Variants in CSMD1 observed in about 807,000 individuals in gnomAD.
CSMD1 encodes the protein CUB and Sushi multiple domains 1, also known as CUB and sushi domain-containing protein 1.
Under a neutral mutation model 417.5 loss-of-function variants are expected in CSMD1, and 213 were observed. The ratio of observed to expected loss-of-function variants is 0.51; its 90% confidence interval spans 0.46 to 0.57. The LOEUF (loss-of-function observed/expected upper bound fraction) is 0.57. CSMD1 is among the 20% of genes least tolerant of loss of function. The pLI is 0.00. For synonymous variants in CSMD1, 2,862 were observed against 1,736.8 expected (o/e 1.65, Z -16.11); for missense variants, 6,923 against 4,529.7 (o/e 1.53, Z -15.17).
At chr8:4,020,866 G>C (rs139618241) in intron 4 of CSMD1, among the ~76,000 whole-genome samples, 12 of 152,194 alleles carry the variant, frequency 7.9e-5, no homozygotes, top group African/African-American at 2.6e-4. Context: ...ATTTTAAAAG[G>C]GACCCTATTT....
chr8:3,594,133 C>T (rs945680205), intron 8 of CSMD1, among the ~76,000 whole-genome samples: 5 of 152,288 alleles, frequency 3.3e-5, no homozygotes, highest in Admixed American at 1.3e-4. Flanking sequence ...TCACTCTTCA[C>T]TCTTTTCCAT....
intron 52 of CSMD1, among the ~76,000 whole-genome samples, chr8:3,003,956 A>C (rs1807651647): frequency 6.6e-6 from 1 of 152,214 alleles, no homozygotes; most frequent in Non-Finnish European, 1.5e-5. Flanking sequence ...GACCATTTGC[A>C]TCCTGTCCAG....
chr8:3,956,096 A>G (rs1811925224), intron 5 of CSMD1, among the ~76,000 whole-genome samples: 1 of 152,226 alleles, frequency 6.6e-6, no homozygotes, highest in Non-Finnish European at 1.5e-5. Context: ...GTGCTCGGCC[A>G]GGTTTCCTTT....
At chr8:3,992,190 T>G (rs1439034225) in intron 5 of CSMD1, among the ~76,000 whole-genome samples, 2 of 150,736 alleles carry the variant, frequency 1.3e-5, no homozygotes, top group African/African-American at 4.8e-5. Flanking sequence ...TAAATATATT[T>G]ACATTCATAT....
chr8:3,873,840 G>A (rs1234117765), intron 5 of CSMD1, among the ~76,000 whole-genome samples: 1 of 152,160 alleles, frequency 6.6e-6, no homozygotes, highest in Non-Finnish European at 1.5e-5. Context: ...TGTAGTTTCT[G>A]GATGTTAGGA....
chr8:3,846,845 T>C (rs1585083858), intron 5 of CSMD1, among the ~76,000 whole-genome samples: 1 of 152,090 alleles, frequency 6.6e-6, no homozygotes, highest in East Asian at 1.9e-4. Flanking sequence ...GGCTAATTTT[T>C]TGTATATTTA....
At chr8:3,859,621 T>G (rs146397616) in intron 5 of CSMD1, among the ~76,000 whole-genome samples, 385 of 152,218 alleles carry the variant, frequency 2.5e-3, no homozygotes, top group African/African-American at 8.7e-3. Flanking sequence ...GGTGGGAGCT[T>G]TGGTTTACAT....
At chr8:3,825,728 G>C (rs141460718) in intron 5 of CSMD1, among the ~76,000 whole-genome samples, 55 of 152,276 alleles carry the variant, frequency 3.6e-4, no homozygotes, top group African/African-American at 1.3e-3. Flanking sequence ...AATTTCCACT[G>C]AAGCAACAAG....
At chr8:4,853,889 G>T (rs1422689910) in intron 1 of CSMD1, among the ~76,000 whole-genome samples, 1 of 152,162 alleles carries the variant, frequency 6.6e-6, no homozygotes, top group Non-Finnish European at 1.5e-5. Flanking sequence ...AGATAATTTT[G>T]GGGATTTAAG....
At chr8:4,035,209 G>A (rs944322366) in intron 3 of CSMD1, among the ~76,000 whole-genome samples, 1 of 152,096 alleles carries the variant, frequency 6.6e-6, no homozygotes, top group African/African-American at 2.4e-5. Flanking sequence ...TGCCAGCTAT[G>A]ATGCACGTGT....
intron 5 of CSMD1, among the ~76,000 whole-genome samples, chr8:3,914,452 C>G (rs1013201382): frequency 1.3e-5 from 2 of 152,084 alleles, no homozygotes; most frequent in African/African-American, 4.8e-5. Context: ...ATTTCTAACG[C>G]TAATTATTAT....
chr8:4,963,692 G>C (rs77199785), intron 1 of CSMD1, among the ~76,000 whole-genome samples: 1 of 152,248 alleles, frequency 6.6e-6, no homozygotes, highest in East Asian at 1.9e-4. Context: ...GTAGACACAG[G>C]TGTCTAAAAG....
chr8:3,982,890 C>A (rs1312341751), intron 5 of CSMD1, among the ~76,000 whole-genome samples: 1 of 152,188 alleles, frequency 6.6e-6, no homozygotes, highest in Non-Finnish European at 1.5e-5. Flanking sequence ...CGTTTCCTAC[C>A]CTTGCCTTTA....
At chr8:3,991,094 A>C (rs1367795786) in intron 5 of CSMD1, among the ~76,000 whole-genome samples, 1 of 152,194 alleles carries the variant, frequency 6.6e-6, no homozygotes. Flanking sequence ...CAGCGGCTTC[A>C]TCCCTGGCCA....
At chr8:3,998,766 G>T (rs1196555608) in intron 4 of CSMD1, among the ~76,000 whole-genome samples, 1 of 151,806 alleles carries the variant, frequency 6.6e-6, no homozygotes. Context: ...TTATTGGTTA[G>T]AAAGGAAACA....
chr8:3,295,844 A>C (rs1286146682), intron 25 of CSMD1, among the ~76,000 whole-genome samples: 1 of 152,170 alleles, frequency 6.6e-6, no homozygotes, highest in East Asian at 1.9e-4. Flanking sequence ...ATCATTTTGC[A>C]TCTATAAGAC....
intron 3 of CSMD1, among the ~76,000 whole-genome samples, chr8:4,054,915 G>A (rs1369640114): frequency 1.3e-5 from 2 of 151,996 alleles, no homozygotes; most frequent in African/African-American, 2.4e-5. Flanking sequence ...TGAGCTCTGG[G>A]GTTTCTCTTT....
intron 1 of CSMD1, among the ~76,000 whole-genome samples, chr8:4,925,563 T>C (rs998667990): frequency 1.5e-4 from 23 of 152,108 alleles, no homozygotes; most frequent in Admixed American, 1.0e-3. Flanking sequence ...TTCTTTTTTT[T>C]TGAGACGGAG....
intron 25 of CSMD1, among the ~76,000 whole-genome samples, chr8:3,300,895 G>T (rs561656684): frequency 7.4e-6 from 1 of 135,294 alleles, no homozygotes; most frequent in African/African-American, 2.7e-5. Flanking sequence ...GGAGGCTGAG[G>T]TTGCAGTGAG....
Sources: allele counts gnomAD v4.1 joint callset (sites outside exome capture counted in the v4.1 genomes callset), GRCh38; gene constraint gnomAD v4.1.1; transcripts MANE v1.5; gene names NCBI Gene and HGNC (gene_info 2026-07-23, HGNC 2026-07-21).